Variants in LARP1B observed in about 807,000 individuals in gnomAD.
LARP1B encodes La ribonucleoprotein 1B.
LARP1B carries 76 observed loss-of-function variants against 114.2 expected under a neutral mutation model. The observed-to-expected ratio is 0.67, with a 90% CI of 0.55 to 0.81. LARP1B has a LOEUF of 0.81. Ranked by LOEUF, LARP1B falls within the 30% of genes least tolerant of loss-of-function variation. LARP1B has a pLI of 0.00. For synonymous variants in LARP1B, 345 were observed against 348.0 expected (o/e 0.99, Z 0.10); for missense variants, 1,014 against 1,075.8 (o/e 0.94, Z 0.80).
intron 8 of LARP1B, among the ~76,000 whole-genome samples, chr4:128,102,982 C>G (rs1433788902): frequency 3.9e-5 from 6 of 152,154 alleles, no homozygotes; most frequent in Admixed American, 3.3e-4. Flanking sequence ...AAGTCTTTCT[C>G]TTACTACCAG....
In LARP1B at chr4:128,061,974, G is replaced by A. The variant is rs529676246; in HGVS notation, c.-78+573G>A. The A allele has an allele frequency of 1.1e-4, 107 of 985,220 alleles. 1 individual carries two copies. The African/African-American group carries it at 1.8e-3, about 17-fold the overall frequency. 61.0% of individuals were successfully genotyped at this position (985,220 alleles called of 1,614,324 possible). A position where few individuals can be genotyped will look rare whatever the true frequency, so the allele number is the denominator to read the frequency against. ...GCGCTGCACCTGGCGCACAAGGCGC[G>A]TGGGCCCGGGGGCCCTTTCGGCGGG... On this transcript the variant is annotated intron_variant, in intron 1 of 19. Coordinates refer to ENST00000326639, the MANE Select transcript of LARP1B (RefSeq NM_018078.4).
intron 9 of LARP1B, among the ~76,000 whole-genome samples, chr4:128,111,229 G>A (rs1384809204): frequency 6.6e-6 from 1 of 151,850 alleles, no homozygotes; most frequent in East Asian, 1.9e-4. Flanking sequence ...TGTATTTTTA[G>A]TAGAGACGGG....
intron 17 of LARP1B, among the ~76,000 whole-genome samples, chr4:128,205,517 A>G (rs779839608): frequency 2.6e-5 from 4 of 152,226 alleles, no homozygotes; most frequent in Non-Finnish European, 5.9e-5. Flanking sequence ...TATAGACAGA[A>G]ACAAGGAAAT....
At chr4:128,135,137 AT>A (rs1214274401) in intron 11 of LARP1B, among the ~76,000 whole-genome samples, 1 of 150,744 alleles carries the variant, frequency 6.6e-6, no homozygotes, top group Non-Finnish European at 1.5e-5. Context: ...AAATAAATAA[AT>A]AAATAAAAAG....
At chr4:128,183,980 G>C (rs1182693079) in intron 15 of LARP1B, among the ~76,000 whole-genome samples, 1 of 152,186 alleles carries the variant, frequency 6.6e-6, no homozygotes, top group East Asian at 1.9e-4. Flanking sequence ...TGACTGAATT[G>C]CTGCGATCTC....
intron 11 of LARP1B, among the ~76,000 whole-genome samples, chr4:128,153,459 C>T (rs1186779927): frequency 6.6e-6 from 1 of 152,116 alleles, no homozygotes; most frequent in South Asian, 2.1e-4. Context: ...GCGTGCACCA[C>T]CACGCCTGGC....
chr4:128,153,084 G>A (rs1184384514), intron 11 of LARP1B, among the ~76,000 whole-genome samples: 1 of 142,134 alleles, frequency 7.0e-6, no homozygotes, highest in Non-Finnish European at 1.5e-5. Flanking sequence ...CTGGGTTCAA[G>A]CGATTCTCCT....
At chr4:128,138,282 A>G (rs572642342) in intron 11 of LARP1B, among the ~76,000 whole-genome samples, 2 of 152,308 alleles carry the variant, frequency 1.3e-5, no homozygotes, top group Non-Finnish European at 2.9e-5. Flanking sequence ...GTTACTAACC[A>G]TACAGAAATT....
chr4:128,114,633 G>A lies in LARP1B; in HGVS notation c.1052G>A (p.Ser351Asn). Residue 351 changes from serine to asparagine, a missense_variant, in exon 10 of 20, where the codon AGT (serine) becomes AAT (asparagine). Ser to Asn is a conservative substitution (Grantham distance 46). Coordinates refer to ENST00000326639, the MANE Select transcript of LARP1B (RefSeq NM_018078.4). The stretch of plus-strand genomic sequence containing the variant: ...AGCCCAAAGAAAAACAGTGAAACAA[G>A]TATTCTTCAAGCAATGTCTAGAGGT... ...PLSPKKNSETSILQAMSRGLS... is the reference protein window; with the variant it reads ...PLSPKKNSETNILQAMSRGLS... 1.4e-5 allele frequency: 22 copies of A among 1,613,886 alleles called. No homozygotes were observed. Among genetic ancestry groups the A allele is most frequent in the Non-Finnish European group, 1.7e-5 (20 of 1,179,828 alleles).
intron 11 of LARP1B, among the ~76,000 whole-genome samples, chr4:128,131,582 G>A (rs1014702727): frequency 4.6e-5 from 7 of 152,130 alleles, no homozygotes; most frequent in African/African-American, 1.7e-4. Flanking sequence ...GGCAGGTGTG[G>A]TGGTGTGTGT....
intron 12 of LARP1B, among the ~76,000 whole-genome samples, chr4:128,169,900 G>A (rs1163879163): frequency 2.0e-5 from 3 of 152,004 alleles, no homozygotes; most frequent in African/African-American, 7.3e-5. Flanking sequence ...GCCTCCCAAA[G>A]TGCTGGGATT....
intron 12 of LARP1B, among the ~76,000 whole-genome samples, chr4:128,168,278 G>GCTTT (rs1742005140): frequency 6.6e-6 from 1 of 150,722 alleles, no homozygotes; most frequent in East Asian, 1.9e-4. Context: ...AGTATTGTTA[G>GCTTT]TTTTTTTTTT....
At chr4:128,098,758 TA>T (rs1779065555) in intron 8 of LARP1B, among the ~76,000 whole-genome samples, 2 of 36,462 alleles carry the variant, frequency 5.5e-5, no homozygotes, top group Admixed American at 3.5e-4. Flanking sequence ...TATATATATA[TA>T]TATATATATT....
chr4:128,135,028 G>A (rs531769430), intron 11 of LARP1B, among the ~76,000 whole-genome samples: 19 of 152,144 alleles, frequency 1.2e-4, no homozygotes, highest in East Asian at 3.9e-4. Flanking sequence ...CTTGAACCCC[G>A]GAGGTGGGGG....
chr4:128,081,986 G>A (rs1182834755), intron 4 of LARP1B, among the ~76,000 whole-genome samples, 179 bp from the exon 5 acceptor site: 5 of 152,102 alleles, frequency 3.3e-5, no homozygotes, highest in South Asian at 2.1e-4. Flanking sequence ...TCCGCCCACC[G>A]CGGCCTCCCA....
Position 128,114,580 on chromosome 4 carries a change from A to G in LARP1B, c.999A>G (p.Pro333=). ...QAFCSHTESA[P]NSPRIGSPLS... ...AACTTAAAATTTTAGAGTCTGCCCC[A>G]AATTCTCCAAGAATTGGAAGCCCAT... is the stretch of plus-strand genomic sequence containing the variant. The change falls in exon 10 of 20, where the codon CCA becomes CCG. Residue 333 remains proline (P), a synonymous_variant. Transcript: ENST00000326639. The G allele has an allele frequency of 6.2e-7, 1 of 1,611,158 alleles. No homozygotes were observed. The highest frequency in any genetic ancestry group is 1.1e-5 in the South Asian group (1 of 90,084).
At chr4:128,194,001 C>T (rs1753150979) in intron 15 of LARP1B, among the ~76,000 whole-genome samples, 1 of 152,134 alleles carries the variant, frequency 6.6e-6, no homozygotes, top group African/African-American at 2.4e-5. Flanking sequence ...CTTAGCTGTT[C>T]TAGTGTGCTA....
chr4:128,219,900 T>A (rs1005755751), intron 6 of LARP1B, among the ~76,000 whole-genome samples: 3 of 152,204 alleles, frequency 2.0e-5, no homozygotes, highest in Non-Finnish European at 4.4e-5. Context: ...ATTTTATTTT[T>A]TTGAGACAGA....
chr4:128,124,120 A>G (rs1046475536), intron 11 of LARP1B, among the ~76,000 whole-genome samples: 1 of 152,180 alleles, frequency 6.6e-6, no homozygotes, highest in African/African-American at 2.4e-5. Context: ...AGTGCTTACT[A>G]TGTGCCAGAC....
Sources: allele counts gnomAD v4.1 joint callset (sites outside exome capture counted in the v4.1 genomes callset), GRCh38; gene constraint gnomAD v4.1.1; transcripts MANE v1.5; gene names NCBI Gene and HGNC (gene_info 2026-07-23, HGNC 2026-07-21).